Variants in ANK3 observed in about 807,000 individuals in gnomAD.
ANK3 encodes the protein ankyrin-3.
A neutral mutation model predicts 370.9 loss-of-function variants in ANK3; 57 were observed. The ratio of observed to expected loss-of-function variants is 0.15; its 90% CI spans 0.12 to 0.19. The LOEUF is 0.19. Ranked by LOEUF, ANK3 falls within the 10% of genes least tolerant of loss-of-function variation. The pLI is 1.00. For synonymous variants in ANK3, 1,929 were observed against 1,946.3 expected, an observed-to-expected ratio of 0.99 and a Z score of 0.23; for missense variants, 4,439 against 5,302.1, an observed-to-expected ratio of 0.84 and a Z score of 5.06.
chr10:60,718,399 G>A (rs186033713), intron 1 of ANK3, among the ~76,000 whole-genome samples: 121 of 152,086 alleles, frequency 8.0e-4, no homozygotes, highest in African/African-American at 2.0e-3. Flanking sequence ...AGGAGTCGAC[G>A]AAGCAAGGAA....
chr10:60,598,670 C>T (rs1021664090), intron 2 of ANK3, among the ~76,000 whole-genome samples: 36 of 152,182 alleles, frequency 2.4e-4, no homozygotes, highest in African/African-American at 7.7e-4. Context: ...ATGAAAGTAA[C>T]GGTACAAAAT....
At chr10:60,589,482 C>T (rs2077879993) in intron 2 of ANK3, among the ~76,000 whole-genome samples, 1 of 151,988 alleles carries the variant, frequency 6.6e-6, no homozygotes, top group Non-Finnish European at 1.5e-5. Flanking sequence ...AACTAAGTTA[C>T]TGATAGACTT....
intron 1 of ANK3, among the ~76,000 whole-genome samples, chr10:60,662,373 A>G (rs2133373356): frequency 6.6e-6 from 1 of 152,314 alleles, no homozygotes; most frequent in Admixed American, 6.5e-5. Context: ...TGGAAATTAT[A>G]TATGAATTCA....
intron 25 of ANK3, among the ~76,000 whole-genome samples, chr10:60,127,392 A>G (rs1246859743): frequency 6.6e-6 from 1 of 152,198 alleles, no homozygotes; most frequent in Non-Finnish European, 1.5e-5. Context: ...AAATGGGTAT[A>G]TGTGGAAAGC....
chr10:60,128,105 A>G (rs73261157), intron 25 of ANK3, among the ~76,000 whole-genome samples: 7,048 of 152,310 alleles, frequency 0.046, 547 homozygotes, highest in African/African-American at 0.16. Context: ...AACAAAGAAC[A>G]CTGTCTAAAT....
intron 8 of ANK3, among the ~76,000 whole-genome samples, chr10:60,217,143 T>G (rs2096951960): frequency 6.6e-6 from 1 of 152,102 alleles, no homozygotes; most frequent in Non-Finnish European, 1.5e-5. Context: ...GTCTATTTGA[T>G]TCTTCTCTCT....
At chr10:60,679,910 C>A (rs150853723) in intron 1 of ANK3, among the ~76,000 whole-genome samples, 11 of 151,820 alleles carry the variant, frequency 7.2e-5, no homozygotes, top group Admixed American at 7.2e-4. Flanking sequence ...CTGAGGTGGG[C>A]GGATCACTTG....
chr10:60,191,971 C>T lies in ANK3; in HGVS notation c.1887+4174G>A, dbSNP rs535142426. Reference sequence around the variant, plus strand: ...TCACCCAGGCTGGAGTGCAGTGGCGCGGTCTTGGCTCACTGCATCCTCTGC... The same window carrying T: ...TCACCCAGGCTGGAGTGCAGTGGCGTGGTCTTGGCTCACTGCATCCTCTGC... On this transcript the variant is annotated intron_variant, in intron 16 of 43. Coordinates refer to ENST00000280772, the MANE Select transcript of ANK3 (RefSeq NM_020987.5). Among the ~76,000 whole-genome samples the T allele has an allele frequency of 5.3e-5, 8 of 152,122 alleles. No homozygotes were observed. The South Asian group carries it at 6.2e-4, about 12-fold the overall frequency.
intron 42 of ANK3, among the ~76,000 whole-genome samples, chr10:60,049,374 G>A (rs994320957): frequency 6.6e-6 from 1 of 152,180 alleles, no homozygotes; most frequent in African/African-American, 2.4e-5. Context: ...AGATCACAAG[G>A]TCAAGAGATC....
In ANK3 at chr10:60,069,915, C is replaced by A. The variant is rs2082389458; in HGVS notation, c.10966G>T (p.Ala3656Ser). The A allele has an allele frequency of 5.0e-6, 8 of 1,613,908 alleles. No homozygotes were observed. In the East Asian group the frequency reaches 1.6e-4, roughly 31 times the overall value. ...TCCCCTGACTGTGGCTGTGGTGTGG[C>A]AGTGACCATACTTTTATCCCCTTCC... Reference protein sequence around the residue: ...QGEGDKSMVTATPQPQSGDTT... With the variant: ...QGEGDKSMVTSTPQPQSGDTT... Residue 3656 changes from alanine to serine, a missense_variant, in exon 37 of 44, where the codon GCC becomes TCC. By Grantham distance (99) the Ala-to-Ser change is moderately conservative. Coordinates refer to ENST00000280772, the MANE Select transcript of ANK3 (RefSeq NM_020987.5).
rs148575221 is a variant in ANK3, at chr10:60,634,793, C to T, written c.58-19569G>A. On this transcript the variant is annotated intron_variant, in intron 1 of 43. Coordinates refer to the ANK3 transcript ENST00000373827. ...GAAGCCAGCGAGACCGCGAACCCAC[C>T]GGGAGAAACAAACAACTCCGGACGC... is the stretch of plus-strand genomic sequence containing the variant. Among the ~76,000 whole-genome samples, 614 of 152,128 alleles carry T rather than the reference C, an allele frequency of 4.0e-3. 6 individuals are homozygous for T. Among genetic ancestry groups the T allele is most frequent in the African/African-American group, 0.014 (576 of 41,494 alleles).
intron 2 of ANK3, among the ~76,000 whole-genome samples, chr10:60,596,573 G>T (rs561109392): frequency 3.3e-5 from 5 of 152,238 alleles, no homozygotes; most frequent in African/African-American, 1.2e-4. Context: ...ATGTTGAGAA[G>T]TACCGATAGA....
At position 60,471,258 on chromosome 10, in the gene ANK3, C is replaced by T. The variant is rs191116656; in HGVS notation, c.96+143928G>A. Among the ~76,000 whole-genome samples the T allele has an allele frequency of 2.9e-4, 44 of 152,212 alleles. No homozygotes were observed. In the East Asian group the frequency reaches 6.6e-3, roughly 23 times the overall value. Reference sequence around the variant, plus strand: ...AGGAAAACAAAGCCAAGAGTTCTTGCGCATAGTCCCAGAAAACAAACAAAC... The same window carrying T: ...AGGAAAACAAAGCCAAGAGTTCTTGTGCATAGTCCCAGAAAACAAACAAAC... On this transcript the variant is annotated intron_variant, in intron 2 of 43. Transcript: ENST00000373827.
Position 60,369,620 on chromosome 10 carries a change from A to G in ANK3, c.114+19805T>C, listed in dbSNP as rs569177156. Among the ~76,000 whole-genome samples, 452 of 152,316 alleles carry G rather than the reference A, an allele frequency of 3.0e-3. 3 individuals carry two copies. Among genetic ancestry groups the G allele is most frequent in the Non-Finnish European group, 5.3e-3 (358 of 68,014 alleles). ...TCTTATTATAAAAAGATTTCTTTAC[A>G]TTGGTAAATGTCATTGTATATCTCA... On this transcript the variant is annotated intron_variant, in intron 1 of 43. Coordinates refer to ENST00000280772, the MANE Select transcript of ANK3 (RefSeq NM_020987.5).
chr10:60,130,288 A>G (rs1465724161), intron 25 of ANK3, among the ~76,000 whole-genome samples: 1 of 152,200 alleles, frequency 6.6e-6, no homozygotes, highest in East Asian at 1.9e-4. Flanking sequence ...GCAGTCCTGC[A>G]CTAATCACCC....
intron 1 of ANK3, among the ~76,000 whole-genome samples, chr10:60,721,339 G>A (rs927823602): frequency 6.6e-6 from 1 of 152,018 alleles, no homozygotes; most frequent in Non-Finnish European, 1.5e-5. Flanking sequence ...ATGTAGAGGT[G>A]GAAAAATGCA....
intron 2 of ANK3, among the ~76,000 whole-genome samples, chr10:60,539,900 C>T (rs1285232449): frequency 1.3e-5 from 2 of 151,804 alleles, no homozygotes; most frequent in Non-Finnish European, 2.9e-5. Flanking sequence ...AGCTAATATT[C>T]TAGTGGGAGA....
intron 9 of ANK3, among the ~76,000 whole-genome samples, chr10:60,208,796 G>A (rs2096802443): frequency 6.6e-6 from 1 of 152,094 alleles, no homozygotes; most frequent in Non-Finnish European, 1.5e-5. Context: ...CTTTAAAAAA[G>A]GTCTGAATGT....
At chr10:60,436,904 A>T (rs913469117) in intron 2 of ANK3, among the ~76,000 whole-genome samples, 3 of 152,260 alleles carry the variant, frequency 2.0e-5, no homozygotes, top group African/African-American at 7.2e-5. Flanking sequence ...AAACAGAAAC[A>T]GAACAACAGA....
Sources: allele counts gnomAD v4.1 joint callset (sites outside exome capture counted in the v4.1 genomes callset), GRCh38; gene constraint gnomAD v4.1.1; transcripts MANE v1.5; gene names NCBI Gene and HGNC (gene_info 2026-07-23, HGNC 2026-07-21).